The following CADM2 variants were observed in gnomAD, a reference collection of about 807,000 sequenced individuals.
CADM2 encodes cell adhesion molecule 2.
In CADM2, 12 loss-of-function variants were observed where a neutral mutation model predicts 49.8. The observed-to-expected ratio is 0.24, with a 90% CI of 0.15 to 0.39. The LOEUF (loss-of-function observed/expected upper bound fraction) is 0.39. Among genes scored for constraint, CADM2 ranks in the 10% least tolerant of loss-of-function variants. The pLI is 1.00. For missense variants in CADM2, 378 were observed against 492.3 expected (o/e 0.77, Z 2.20); for synonymous variants, 214 against 175.4 (o/e 1.22, Z -1.74).
intron 8 of CADM2, among the ~76,000 whole-genome samples, chr3:85,977,413 A>T (rs888884795): frequency 8.6e-5 from 13 of 151,466 alleles, no homozygotes; most frequent in Admixed American, 3.3e-4. Flanking sequence ...CATAAATTTG[A>T]TATACTTGGA....
rs905495745 is a variant in CADM2, at chr3:85,083,930, T to C, written c.61+124262T>C. 4.6e-5 allele frequency among the ~76,000 whole-genome samples: 7 copies of C among 152,280 alleles called. No homozygotes were observed. The East Asian group carries it at 1.3e-3, about 29-fold the overall frequency. On this transcript the variant is annotated intron_variant, in intron 1 of 9. Transcript: ENST00000383699. ...AAATAGTCCATTAAAAATAAGCCTA[T>C]AATGATCGATTGCATTTCTACCCAC...
intron 1 of CADM2, among the ~76,000 whole-genome samples, chr3:85,158,847 TAAATA>T (rs898293785): frequency 3.3e-5 from 5 of 151,696 alleles, no homozygotes; most frequent in South Asian, 2.1e-4. Flanking sequence ...ATAATGATAA[TAAATA>T]AAATAAAATA....
At chr3:85,159,435 G>A (rs2040246470) in intron 1 of CADM2, among the ~76,000 whole-genome samples, 1 of 152,166 alleles carries the variant, frequency 6.6e-6, no homozygotes, top group South Asian at 2.1e-4. Flanking sequence ...CCATGTACTG[G>A]GAGTAAAATC....
At chr3:85,426,097 A>G (rs1229198209) in intron 1 of CADM2, among the ~76,000 whole-genome samples, 1 of 151,958 alleles carries the variant, frequency 6.6e-6, no homozygotes, top group South Asian at 2.1e-4. Flanking sequence ...ATGTGCAGGC[A>G]TAATGCAGCA....
At chr3:85,292,569 C>A (rs1225905014) in intron 1 of CADM2, among the ~76,000 whole-genome samples, 1 of 151,988 alleles carries the variant, frequency 6.6e-6, no homozygotes. Flanking sequence ...TGTAAAAGAA[C>A]TGAAATTATA....
At chr3:85,644,428 G>A (rs1280304362) in intron 1 of CADM2, among the ~76,000 whole-genome samples, 2 of 152,100 alleles carry the variant, frequency 1.3e-5, no homozygotes, top group African/African-American at 4.8e-5. Context: ...TAGTGGTGGA[G>A]GAGCACAATT....
intron 1 of CADM2, among the ~76,000 whole-genome samples, chr3:85,612,193 G>T (rs1250829167): frequency 6.6e-6 from 1 of 151,692 alleles, no homozygotes; most frequent in African/African-American, 2.4e-5. Context: ...TTATATTTTA[G>T]GGAAAATATC....
At chr3:85,960,946 A>G (rs939809363) in intron 7 of CADM2, among the ~76,000 whole-genome samples, 8 of 147,888 alleles carry the variant, frequency 5.4e-5, no homozygotes, top group African/African-American at 2.0e-4. Flanking sequence ...ATTTGTATGT[A>G]TGAATATGAA....
intron 1 of CADM2, among the ~76,000 whole-genome samples, chr3:85,154,252 A>C (rs1198452062): frequency 6.6e-6 from 1 of 152,210 alleles, no homozygotes; most frequent in Non-Finnish European, 1.5e-5. Context: ...AAAGGAGCTG[A>C]TGGAGCTGAA....
chr3:86,015,839 C>A (rs1732156610), intron 8 of CADM2, among the ~76,000 whole-genome samples: 1 of 152,160 alleles, frequency 6.6e-6, no homozygotes, highest in Non-Finnish European at 1.5e-5. Flanking sequence ...ACTGACTTGT[C>A]TGTTTTCTTT....
chr3:85,076,519 T>G (rs2107488132), intron 1 of CADM2, among the ~76,000 whole-genome samples: 1 of 152,062 alleles, frequency 6.6e-6, no homozygotes, highest in Non-Finnish European at 1.5e-5. Flanking sequence ...TGCTAATTTT[T>G]GTATTTTTAG....
intron 1 of CADM2, among the ~76,000 whole-genome samples, chr3:85,550,910 T>A (rs1331766731): frequency 1.3e-5 from 2 of 152,182 alleles, no homozygotes; most frequent in Non-Finnish European, 2.9e-5. Context: ...AATTTGTTAA[T>A]CGTATTTTTT....
intron 8 of CADM2, chr3:86,014,042 C>A: frequency 1.5e-6 from 2 of 1,320,858 alleles, no homozygotes; most frequent in Non-Finnish European, 2.1e-6. Flanking sequence ...TAGAACTTGA[C>A]GATGTAATTT....
intron 8 of CADM2, among the ~76,000 whole-genome samples, chr3:86,034,254 A>C (rs1734900972): frequency 6.6e-6 from 1 of 151,848 alleles, no homozygotes; most frequent in African/African-American, 2.4e-5. Flanking sequence ...TGAGAATGTG[A>C]TATTTTGTGT....
In CADM2 at chr3:85,942,938, C is replaced by T. The variant is rs147496437; in HGVS notation, c.791+7081C>T. Among the ~76,000 whole-genome samples, 1,096 of 152,054 alleles carry T rather than the reference C, an allele frequency of 7.2e-3. 4 individuals are homozygous for T. The highest frequency in any genetic ancestry group is 0.021 in the Middle Eastern group (6 of 292). On this transcript the variant is annotated intron_variant, in intron 7 of 9. Transcript: ENST00000383699. ...GACTTCCACAATGGTTGAACTAGTT[C>T]ACAGTCCCACCAACAGTGTAAAAGT...
chr3:85,545,481 A>G (rs1162507829), intron 1 of CADM2, among the ~76,000 whole-genome samples: 3 of 152,200 alleles, frequency 2.0e-5, no homozygotes. Context: ...AGAGATTCCA[A>G]ACTATATCTG....
intron 1 of CADM2, among the ~76,000 whole-genome samples, chr3:85,344,420 T>TAAATA (rs780360612): frequency 4.9e-5 from 7 of 144,144 alleles, no homozygotes; most frequent in South Asian, 2.2e-4. Context: ...AATAAATAAA[T>TAAATA]AATAATTATA....
intron 3 of CADM2, among the ~76,000 whole-genome samples, chr3:85,879,761 A>G (rs562963333): frequency 7.9e-5 from 12 of 152,310 alleles, no homozygotes; most frequent in African/African-American, 2.6e-4. Flanking sequence ...GCTATGAAAC[A>G]ACATCACAAC....
intron 3 of CADM2, among the ~76,000 whole-genome samples, chr3:85,815,906 A>T (rs1442959758): frequency 6.6e-6 from 1 of 152,194 alleles, no homozygotes; most frequent in Admixed American, 6.5e-5. Context: ...AGTTCAGGAT[A>T]CAAAATATTC....
Sources: allele counts gnomAD v4.1 joint callset (sites outside exome capture counted in the v4.1 genomes callset), GRCh38; gene constraint gnomAD v4.1.1; transcripts MANE v1.5; gene names NCBI Gene and HGNC (gene_info 2026-07-23, HGNC 2026-07-21).